The following SYN3 variants were observed in gnomAD, a reference collection of about 807,000 sequenced individuals.
SYN3 encodes the protein synapsin III.
A neutral mutation model predicts 65.8 loss-of-function variants in SYN3; 35 were observed. That is an observed-to-expected ratio of 0.53 (90% CI 0.41 to 0.70). The LOEUF (loss-of-function observed/expected upper bound fraction) is 0.70. Among genes scored for constraint, SYN3 ranks in the 30% least tolerant of loss-of-function variants. The pLI is 0.00. For synonymous variants in SYN3, 270 were observed against 292.9 expected, an observed-to-expected ratio of 0.92 and a Z score of 0.80; for missense variants, 680 against 749.0, an observed-to-expected ratio of 0.91 and a Z score of 1.08.
intron 6 of SYN3, among the ~76,000 whole-genome samples, chr22:32,821,490 G>C (rs534302574): frequency 6.6e-6 from 1 of 152,322 alleles, no homozygotes; most frequent in East Asian, 1.9e-4. Context: ...TTAATATAAT[G>C]GATGGTCCAT....
chr22:32,596,614 C>G (rs1032741779), intron 7 of SYN3, 60 bp downstream of exon 7: 10 of 1,566,950 alleles, frequency 6.4e-6, no homozygotes, highest in Middle Eastern at 1.8e-4. Flanking sequence ...GAGAGAGGAA[C>G]AGGTAGTCTG....
At chr22:32,757,025 C>A (rs998080964) in intron 6 of SYN3, among the ~76,000 whole-genome samples, 2 of 149,230 alleles carry the variant, frequency 1.3e-5, no homozygotes, top group Non-Finnish European at 3.0e-5. Context: ...GTATAATTGT[C>A]CCTTAATTGA....
intron 6 of SYN3, among the ~76,000 whole-genome samples, chr22:32,612,580 G>A (rs1362764363): frequency 2.6e-5 from 4 of 152,156 alleles, no homozygotes; most frequent in African/African-American, 7.2e-5. Flanking sequence ...GGTGGCTCAC[G>A]CCTGAAATCC....
intron 6 of SYN3, among the ~76,000 whole-genome samples, chr22:32,639,032 C>A (rs1381052528): frequency 1.3e-5 from 2 of 152,160 alleles, no homozygotes; most frequent in African/African-American, 4.8e-5. Flanking sequence ...CAGCTCACTG[C>A]AAGCTCCGTC....
chr22:32,589,127 G>A (rs139212086), intron 7 of SYN3, among the ~76,000 whole-genome samples: 361 of 152,342 alleles, frequency 2.4e-3, no homozygotes, highest in African/African-American at 8.1e-3. Context: ...GAGTCACGGA[G>A]CTGTAACACT....
Position 33,038,891 on chromosome 22 carries a change from C to T in SYN3, c.-163+19401G>A, listed in dbSNP as rs2053909874. Among the ~76,000 whole-genome samples the T allele has an allele frequency of 2.0e-5, 3 of 152,182 alleles. No individual in the cohort carries two copies. The South Asian group carries it at 6.2e-4, about 31-fold the overall frequency. ...GGATCCCTGAGCTGCAGGCGGAAGC[C>T]CCGGGGCTGTTCTGGGGCTTCTGCA... On this transcript the variant is annotated intron_variant, in intron 1 of 13. Coordinates refer to ENST00000358763, the MANE Select transcript of SYN3 (RefSeq NM_003490.4).
chr22:32,537,931 C>T, intron 9 of SYN3, 105 bp downstream of exon 9: 2 of 989,982 alleles, frequency 2.0e-6, no homozygotes, highest in Non-Finnish European at 3.2e-6. Flanking sequence ...TGGTGAGGCA[C>T]TGGACGGAGG....
chr22:32,998,695 T>C (rs1199975508), intron 2 of SYN3, among the ~76,000 whole-genome samples: 1 of 151,476 alleles, frequency 6.6e-6, no homozygotes, highest in Non-Finnish European at 1.5e-5. Context: ...ACTCCACCTG[T>C]CTTTTTTATT....
intron 2 of SYN3, 127 bp from the exon 3 acceptor site, chr22:32,980,829 C>T: frequency 1.3e-6 from 1 of 752,314 alleles, no homozygotes; most frequent in Non-Finnish European, 2.3e-6. Context: ...TGTCTCCTCC[C>T]ACCTTCACTA....
intron 6 of SYN3, among the ~76,000 whole-genome samples, chr22:32,719,250 C>A (rs977060810): frequency 1.3e-5 from 2 of 152,158 alleles, no homozygotes; most frequent in African/African-American, 4.8e-5. Context: ...TCATCTTTTG[C>A]GTCTCAGTTC....
intron 7 of SYN3, among the ~76,000 whole-genome samples, chr22:32,576,025 G>A (rs910556348): frequency 2.0e-5 from 3 of 152,092 alleles, no homozygotes; most frequent in African/African-American, 4.8e-5. Context: ...ATGAGCGGTC[G>A]TGGGATAGGG....
At chr22:32,942,541 C>G (rs982839879) in intron 3 of SYN3, among the ~76,000 whole-genome samples, 1 of 152,234 alleles carries the variant, frequency 6.6e-6, no homozygotes, top group Non-Finnish European at 1.5e-5. Context: ...CAGAGCGCCT[C>G]TTCTCCTCCA....
chr22:32,944,928 A>G (rs144662695), intron 3 of SYN3, among the ~76,000 whole-genome samples: 3,400 of 152,264 alleles, frequency 0.022, 130 homozygotes, highest in African/African-American at 0.078. Context: ...TCATGAGTAA[A>G]CTCCCATTCA....
chr22:32,875,673 T>A (rs976561422), intron 4 of SYN3, among the ~76,000 whole-genome samples: 22 of 152,100 alleles, frequency 1.4e-4, no homozygotes, highest in African/African-American at 5.1e-4. Context: ...GGGAAGAGAA[T>A]GCCATGTGAT....
intron 4 of SYN3, among the ~76,000 whole-genome samples, chr22:32,916,698 C>G (rs535625697): frequency 6.6e-6 from 1 of 152,126 alleles, no homozygotes; most frequent in Non-Finnish European, 1.5e-5. Flanking sequence ...ACTCCTGGGT[C>G]TCACCCAGGA....
chr22:32,529,189 A>G, intron 10 of SYN3, 181 bp from the exon 11 acceptor site: 1 of 657,268 alleles, frequency 1.5e-6, no homozygotes, highest in Non-Finnish European at 2.6e-6. Flanking sequence ...CCTTCGGTTC[A>G]GTCTAAACCA....
chr22:32,880,413 G>A (rs946083185), intron 4 of SYN3, among the ~76,000 whole-genome samples: 3 of 152,190 alleles, frequency 2.0e-5, no homozygotes, highest in Non-Finnish European at 4.4e-5. Context: ...AGAAGCTCTG[G>A]CCTTGGCCTG....
At position 32,958,374 on chromosome 22, in the gene SYN3, G is replaced by C. The variant is rs761750033; in HGVS notation, c.369+22271C>G. ...TCTGCATCTTCACACTTGAGTGGTA[G>C]CAATACCCAAGGGTGGTGATGACAA... On this transcript the variant is annotated intron_variant, in intron 3 of 13. Transcript: ENST00000358763. Among the ~76,000 whole-genome samples the C allele has an allele frequency of 4.6e-5, 7 of 152,178 alleles. No homozygotes were observed. In the East Asian group the frequency reaches 1.4e-3, roughly 29 times the overall value.
intron 3 of SYN3, among the ~76,000 whole-genome samples, chr22:32,947,995 C>T (rs1432236864): frequency 6.6e-6 from 1 of 152,156 alleles, no homozygotes; most frequent in Non-Finnish European, 1.5e-5. Flanking sequence ...CTGAGGTCCT[C>T]GTTTCCTGGG....
Sources: gnomAD v4.1 joint callset for allele counts (sites outside exome capture counted in the v4.1 genomes callset) on GRCh38, gnomAD v4.1.1 for gene constraint, MANE v1.5 for transcripts, NCBI Gene and HGNC (gene_info 2026-07-23, HGNC 2026-07-21) for gene names.